The following SANBR variants were observed in gnomAD, a reference collection of about 807,000 sequenced individuals.
SANBR encodes the protein SANT and BTB domain regulator of CSR.
SANBR carries 77 observed loss-of-function variants against 101.8 expected under a neutral mutation model. The ratio of observed to expected loss-of-function variants is 0.76; its 90% confidence interval spans 0.63 to 0.91. The LOEUF is 0.91. Among genes scored for constraint, SANBR ranks in the 40% least tolerant of loss-of-function variants. SANBR has a pLI of 0.00. For missense variants in SANBR, 875 were observed against 853.0 expected (o/e 1.03, Z -0.32); for synonymous variants, 279 against 274.7 (o/e 1.02, Z -0.15).
intron 2 of SANBR, among the ~76,000 whole-genome samples, chr2:61,069,985 T>C (rs997170): frequency 0.062 from 9,518 of 152,300 alleles, 1,031 homozygotes; most frequent in African/African-American, 0.22. Context: ...GTTTGAATCC[T>C]TGCTCTGCCT....
At chr2:61,135,081 T>C (rs990530540) in intron 21 of SANBR, among the ~76,000 whole-genome samples, 2 of 152,158 alleles carry the variant, frequency 1.3e-5, no homozygotes, top group Non-Finnish European at 2.9e-5. Context: ...TCCCAGCTAC[T>C]CAGGAAGCTG....
At chr2:61,118,235 G>A (rs1358135489) in intron 20 of SANBR, 119 bp downstream of exon 20, 2 of 666,516 alleles carry the variant, frequency 3.0e-6, no homozygotes, top group Admixed American at 3.3e-5. Context: ...TTATGTGTTT[G>A]TTTGTTTGTT....
chr2:61,092,737 G>C (rs536669299), intron 11 of SANBR, 150 bp downstream of exon 11: 20 of 607,522 alleles, frequency 3.3e-5, no homozygotes, highest in African/African-American at 1.2e-4. Context: ...ATGGTGGCTC[G>C]TGCCTGTAAT....
chr2:61,079,756 A>G (rs79740977), intron 6 of SANBR, among the ~76,000 whole-genome samples: 9,398 of 152,188 alleles, frequency 0.062, 1,004 homozygotes, highest in African/African-American at 0.22. Context: ...TTCAAAAAAA[A>G]TTAGCCTGGT....
At chr2:61,069,527 A>G (rs912722691) in intron 2 of SANBR, 1 of 152,314 alleles carries the variant, frequency 6.6e-6, no homozygotes, top group African/African-American at 2.4e-5. Flanking sequence ...ATTTTTGTCC[A>G]TAGGAGCAGT....
rs1414773637 is a variant in SANBR at position 61,118,165 on chromosome 2, T to G, written c.2028+49T>G. The G allele has an allele frequency of 3.3e-6, 4 of 1,201,554 alleles. 1 individual carries two copies. The South Asian group carries it at 5.4e-5, about 16-fold the overall frequency. 74.4% of individuals were successfully genotyped at this position (1,201,554 alleles called of 1,614,324 possible). A position where few individuals can be genotyped will look rare whatever the true frequency, so the allele number is the denominator to read the frequency against. On this transcript the variant is annotated intron_variant, in intron 20 of 21. Coordinates refer to ENST00000402291, the MANE Select transcript of SANBR (RefSeq NM_001129993.3). Reference sequence around the variant, plus strand: ...TGTACTTGTGTAAAATATGCCTTCCTACTTTTATTTTCAGCTTAGGATTAT... The same window carrying G: ...TGTACTTGTGTAAAATATGCCTTCCGACTTTTATTTTCAGCTTAGGATTAT...
chr2:61,106,606 G>A lies in SANBR; in HGVS notation c.1555G>A (p.Asp519Asn). 1 of 1,601,324 alleles carries A rather than the reference G, an allele frequency of 6.2e-7. No homozygotes were observed. Among genetic ancestry groups the A allele is most frequent in the Non-Finnish European group, 8.5e-7 (1 of 1,176,030 alleles). Residue 519 changes from aspartate to asparagine, a missense_variant, in exon 14 of 22, where the codon GAT becomes AAT. Asp to Asn is a conservative substitution (Grantham distance 23). Transcript: ENST00000402291. The stretch of plus-strand genomic sequence containing the variant: ...CTGTGATGAAAAGGGTATAGAATGT[G>A]ATGTTTTACTGGAGCCAAATACACC... ...GLCDEKGIEC[D>N]VLLEPNTPWG...
In SANBR at chr2:61,117,374, G is replaced by C. The variant is rs961540643; in HGVS notation, c.1854G>C (p.Val618=). 6.2e-7 allele frequency: 1 copy of C among 1,613,602 alleles called. No individual in the cohort carries two copies. The highest frequency in any genetic ancestry group is 1.3e-5 in the African/African-American group (1 of 74,856). ...KALEKSASRD[V]SPFVMSMQKN... ...TTTTTTAGTCAGCTTCTAGAGATGT[G>C]TCTCCTTTCGTGTGAGTATTGCTCC... Residue 618 remains valine, a synonymous_variant, in exon 18 of 22, where the codon GTG becomes GTC. Transcript: ENST00000402291.
intron 8 of SANBR, among the ~76,000 whole-genome samples, 163 bp from the exon 9 acceptor site, chr2:61,087,996 G>C (rs1435804582): frequency 6.6e-6 from 1 of 152,006 alleles, no homozygotes; most frequent in Admixed American, 6.5e-5. Flanking sequence ...ATAATAAACT[G>C]TTAATTTTAT....
At chr2:61,120,231 A>G (rs552468837) in intron 20 of SANBR, among the ~76,000 whole-genome samples, 17 of 152,230 alleles carry the variant, frequency 1.1e-4, no homozygotes, top group South Asian at 4.1e-4. Context: ...GACCGGGTGC[A>G]GTGGCTCACA....
At chr2:61,121,666 C>G (rs1684336152) in intron 21 of SANBR, 1 of 172,144 alleles carries the variant, frequency 5.8e-6, no homozygotes, top group Non-Finnish European at 1.2e-5. Context: ...TAAAATCTAA[C>G]TGATGGGTCT....
chr2:61,078,707 C>G (rs1164983167), intron 6 of SANBR, among the ~76,000 whole-genome samples: 1 of 152,104 alleles, frequency 6.6e-6, no homozygotes, highest in Non-Finnish European at 1.5e-5. Flanking sequence ...CAGGCATGAG[C>G]CACGGCGCCC....
intron 21 of SANBR, among the ~76,000 whole-genome samples, chr2:61,136,773 C>T (rs947345007): frequency 6.6e-6 from 1 of 151,768 alleles, no homozygotes; most frequent in African/African-American, 2.4e-5. Context: ...AGTTCAAGAC[C>T]AGCCTGGCCA....
At chr2:61,102,487 A>T (rs1559118662) in intron 12 of SANBR, among the ~76,000 whole-genome samples, 3 of 152,154 alleles carry the variant, frequency 2.0e-5, no homozygotes, top group Admixed American at 1.3e-4. Flanking sequence ...ATCCCAGCAC[A>T]AATTAAAGCC....
In SANBR at chr2:61,123,523, T is replaced by G. The variant is rs1559149622; in HGVS notation, c.*1361T>G. The G allele has an allele frequency of 1.0e-6, 1 of 970,670 alleles. No homozygotes were observed. The highest frequency in any genetic ancestry group is 1.8e-5 in the African/African-American group (1 of 56,878). 60.1% of individuals were successfully genotyped at this position (970,670 alleles called of 1,614,324 possible). A position where few individuals can be genotyped will look rare whatever the true frequency, so the allele number is the denominator to read the frequency against. On this transcript the variant is annotated 3_prime_UTR_variant, in exon 22 of 22. Transcript: ENST00000402291. ...TGTTTGATACTGTGGAAATAGACTTTTATTTTCGAAAGAAAATGTCTTGTA... is the reference window on the plus strand; with the variant it reads ...TGTTTGATACTGTGGAAATAGACTTGTATTTTCGAAAGAAAATGTCTTGTA...
chr2:61,134,899 T>A (rs1684799530), intron 21 of SANBR, among the ~76,000 whole-genome samples: 1 of 151,146 alleles, frequency 6.6e-6, no homozygotes, highest in South Asian at 2.1e-4. Context: ...AAATAAATAT[T>A]TTTTTGGCTG....
At chr2:61,083,429 C>T (rs897178832) in intron 8 of SANBR, 115 bp downstream of exon 8, 2 of 754,820 alleles carry the variant, frequency 2.6e-6, no homozygotes, top group East Asian at 2.8e-5. Flanking sequence ...AAGGTTCTCA[C>T]TCTGTTGTTC....
chr2:61,109,764 G>A (rs1486267135), intron 16 of SANBR, among the ~76,000 whole-genome samples: 2 of 148,956 alleles, frequency 1.3e-5, no homozygotes, highest in African/African-American at 2.5e-5. Context: ...TACTTCCTGG[G>A]TTCAAGCAAT....
chr2:61,077,523 C>G (rs1347334199), intron 6 of SANBR, among the ~76,000 whole-genome samples: 2 of 151,120 alleles, frequency 1.3e-5, no homozygotes, highest in Non-Finnish European at 2.9e-5. Context: ...ACTGTTGAAG[C>G]TTTAGACAAG....
Sources: allele counts gnomAD v4.1 joint callset (sites outside exome capture counted in the v4.1 genomes callset), GRCh38; gene constraint gnomAD v4.1.1; transcripts MANE v1.5; gene names NCBI Gene and HGNC (gene_info 2026-07-23, HGNC 2026-07-21).